The following BLTP3A variants were observed in gnomAD, a reference collection of about 807,000 sequenced individuals.
BLTP3A encodes ICBP90 binding protein 1.
the BLTP3A span, chr6:34,834,407 G>T: frequency 6.2e-7 from 1 of 1,612,688 alleles, no homozygotes; most frequent in Non-Finnish European, 8.5e-7. Flanking sequence ...CCGAGGAGAG[G>T]TGACAGCCCC....
chr6:34,830,803 A>G, the BLTP3A span, among the ~76,000 whole-genome samples: 4 of 152,164 alleles, frequency 2.6e-5, no homozygotes, highest in Non-Finnish European at 4.4e-5. Context: ...TAGTGATTGT[A>G]CCAGTTTTCC....
At chr6:34,877,010 C>T in the BLTP3A span, 1 of 152,584 alleles carries the variant, frequency 6.6e-6, no homozygotes, top group Non-Finnish European at 1.5e-5. Context: ...AATGCTGAGA[C>T]AGTATCTTTT....
At chr6:34,811,972 A>T in the BLTP3A span, among the ~76,000 whole-genome samples, 1 of 152,008 alleles carries the variant, frequency 6.6e-6, no homozygotes, top group East Asian at 1.9e-4. Flanking sequence ...GGTTACAGAG[A>T]GCTATGATTG....
At chr6:34,837,363 G>A in the BLTP3A span, among the ~76,000 whole-genome samples, 3 of 151,974 alleles carry the variant, frequency 2.0e-5, no homozygotes, top group Non-Finnish European at 2.9e-5. Context: ...GCAACATGGC[G>A]AAACCCGTCT....
chr6:34,795,502 AT>A, the BLTP3A span, among the ~76,000 whole-genome samples: 1 of 149,318 alleles, frequency 6.7e-6, no homozygotes, highest in African/African-American at 2.5e-5. Context: ...GGTTCAAGCG[AT>A]TCTCCTGTCT....
chr6:34,856,398 G>A, the BLTP3A span: 13 of 1,613,752 alleles, frequency 8.1e-6, no homozygotes, highest in East Asian at 2.2e-5. Context: ...TCTCTCTTTC[G>A]GAGAAAAGCA....
chr6:34,858,532 A>G, the BLTP3A span: 1 of 1,614,108 alleles, frequency 6.2e-7, no homozygotes, highest in Non-Finnish European at 8.5e-7. Context: ...CCCCCTGTCC[A>G]TTTGGGCCTG....
At chr6:34,859,234 C>T in the BLTP3A span, 2 of 1,614,142 alleles carry the variant, frequency 1.2e-6, no homozygotes, top group Non-Finnish European at 1.7e-6. Flanking sequence ...CTCAGGTCCA[C>T]TTGCCCAGCA....
the BLTP3A span, among the ~76,000 whole-genome samples, chr6:34,851,990 T>C: frequency 6.6e-6 from 1 of 152,102 alleles, no homozygotes; most frequent in Admixed American, 6.5e-5. Context: ...TGGTGAATGC[T>C]CTCAGGTCTG....
chr6:34,836,370 TG>T, the BLTP3A span: 1 of 1,607,320 alleles, frequency 6.2e-7, no homozygotes, highest in African/African-American at 1.3e-5. Flanking sequence ...GGCCTGAGCC[TG>T]GGCTGGGTGG....
At chr6:34,836,374 C>G in the BLTP3A span, 1 of 1,604,048 alleles carries the variant, frequency 6.2e-7, no homozygotes, top group South Asian at 1.1e-5. Context: ...TGAGCCTGGG[C>G]TGGGTGGTCC....
chr6:34,834,110 A>G, the BLTP3A span: 5 of 1,238,666 alleles, frequency 4.0e-6, no homozygotes, highest in Non-Finnish European at 5.6e-6. Context: ...TCAAAAAAAT[A>G]AAAAGACTAC....
At chr6:34,856,118 G>T in the BLTP3A span, 1 of 1,324,752 alleles carries the variant, frequency 7.5e-7, no homozygotes, top group Non-Finnish European at 1.0e-6. Context: ...CCTTATCCTA[G>T]AGATTTCTGC....
the BLTP3A span, among the ~76,000 whole-genome samples, chr6:34,840,861 C>G: frequency 6.6e-6 from 1 of 152,072 alleles, no homozygotes; most frequent in Non-Finnish European, 1.5e-5. Flanking sequence ...TGTGATCCGC[C>G]TTGGCCTCCC....
chr6:34,857,056 T>C, the BLTP3A span: 1 of 1,279,332 alleles, frequency 7.8e-7, no homozygotes, highest in Non-Finnish European at 1.1e-6. Flanking sequence ...ATTAATAGTT[T>C]GGTCTGTTTC....
chr6:34,844,200 T>A, the BLTP3A span, among the ~76,000 whole-genome samples: 1 of 152,100 alleles, frequency 6.6e-6, no homozygotes, highest in African/African-American at 2.4e-5. Context: ...GTCAGGATGG[T>A]CTCAGTCTCC....
the BLTP3A span, among the ~76,000 whole-genome samples, chr6:34,818,573 A>G: frequency 3.9e-5 from 6 of 152,228 alleles, no homozygotes; most frequent in Non-Finnish European, 8.8e-5. Flanking sequence ...TTGTTACAAA[A>G]TATTTGCTGT....
At chr6:34,835,256 C>T in the BLTP3A span, 89 of 1,600,446 alleles carry the variant, frequency 5.6e-5, no homozygotes, top group Non-Finnish European at 6.9e-5. Flanking sequence ...TGGAATGATA[C>T]GAGGTGATAA....
At chr6:34,812,647 T>G in the BLTP3A span, among the ~76,000 whole-genome samples, 1 of 151,938 alleles carries the variant, frequency 6.6e-6, no homozygotes. Flanking sequence ...TTTTTTTTTT[T>G]TTCATAGAGA....
Sources: allele counts gnomAD v4.1 joint callset (sites outside exome capture counted in the v4.1 genomes callset), GRCh38; gene constraint gnomAD v4.1.1; transcripts MANE v1.5; gene names NCBI Gene and HGNC (gene_info 2026-07-23, HGNC 2026-07-21).